The following ZCCHC24 variants were observed in gnomAD, a reference collection of about 807,000 sequenced individuals.
The protein encoded by ZCCHC24 is zinc finger CCHC-type containing 24, also known as zinc finger CCHC domain-containing protein 24.
Under a neutral mutation model 26.2 loss-of-function variants are expected in ZCCHC24, and 10 were observed. The observed-to-expected ratio is 0.38, with a 90% confidence interval of 0.24 to 0.65. The LOEUF (loss-of-function observed/expected upper bound fraction) is 0.65, where lower values mean the gene tolerates loss of function less well. Among genes scored for constraint, ZCCHC24 ranks in the 30% least tolerant of loss-of-function variants. ZCCHC24 has a pLI of 0.54. For synonymous variants in ZCCHC24, 144 were observed against 147.1 expected, an observed-to-expected ratio of 0.98 and a Z score of 0.15; for missense variants, 243 against 329.1, an observed-to-expected ratio of 0.74 and a Z score of 2.03.
At chr10:79,394,172 A>G in intron 3 of ZCCHC24, 104 bp downstream of exon 3, 1 of 1,461,048 alleles carries the variant, frequency 6.8e-7, no homozygotes, top group Non-Finnish European at 9.2e-7. Flanking sequence ...GAAAGGGTCA[A>G]CTTAGAGAGA....
At position 79,383,372 on chromosome 10, in the gene ZCCHC24, T is replaced by G. The variant is rs1856347760; in HGVS notation, c.*2973A>C. ...ATTCTATGTAGACAATATTTCCTTCTGAATGTAGTTCAGTTGCATATTTTT... is the reference window on the plus strand; with the variant it reads ...ATTCTATGTAGACAATATTTCCTTCGGAATGTAGTTCAGTTGCATATTTTT... On this transcript the variant is annotated 3_prime_UTR_variant, in exon 4 of 4. Coordinates refer to ENST00000372336, the MANE Select transcript of ZCCHC24 (RefSeq NM_153367.4). The G allele has an allele frequency of 6.6e-6, 1 of 152,670 alleles. No individual in the cohort carries two copies. The allele number at this position is 152,670 out of a possible 1,614,324, so 9.5% of individuals were successfully genotyped here.
intron 2 of ZCCHC24, among the ~76,000 whole-genome samples, chr10:79,429,954 G>A (rs1159161472): frequency 6.6e-6 from 1 of 152,176 alleles, no homozygotes; most frequent in African/African-American, 2.4e-5. Context: ...GCACAGAGAT[G>A]AATCCAGCCC....
intron 1 of ZCCHC24, among the ~76,000 whole-genome samples, chr10:79,441,645 G>T (rs768049758): frequency 1.3e-5 from 2 of 152,076 alleles, no homozygotes; most frequent in Non-Finnish European, 2.9e-5. Context: ...GAGTTCTCAG[G>T]GCCTTTCCTG....
At chr10:79,401,371 A>G (rs551595395) in intron 2 of ZCCHC24, among the ~76,000 whole-genome samples, 2 of 152,340 alleles carry the variant, frequency 1.3e-5, no homozygotes, top group South Asian at 2.1e-4. Context: ...CCCGACAACC[A>G]TCCATGAGCT....
intron 2 of ZCCHC24, among the ~76,000 whole-genome samples, chr10:79,408,016 G>C (rs773876449): frequency 6.6e-6 from 1 of 152,228 alleles, no homozygotes; most frequent in African/African-American, 2.4e-5. Context: ...AGGCCGGGCT[G>C]CTCAGGGGCT....
At chr10:79,431,447 A>G (rs571318271) in intron 2 of ZCCHC24, among the ~76,000 whole-genome samples, 15 of 152,218 alleles carry the variant, frequency 9.9e-5, no homozygotes, top group Admixed American at 9.2e-4. Context: ...AGAGTCTGGG[A>G]TGGGGGCACA....
At chr10:79,426,149 C>T (rs190120359) in intron 2 of ZCCHC24, among the ~76,000 whole-genome samples, 1 of 152,320 alleles carries the variant, frequency 6.6e-6, no homozygotes, top group Admixed American at 6.5e-5. Flanking sequence ...CTATCCTACT[C>T]TTAAGGTGAG....
intron 2 of ZCCHC24, among the ~76,000 whole-genome samples, chr10:79,399,889 T>G (rs1387872628): frequency 6.6e-6 from 1 of 152,186 alleles, no homozygotes; most frequent in Non-Finnish European, 1.5e-5. Context: ...TCTCTTGAGG[T>G]TGGCTGGGAG....
intron 2 of ZCCHC24, among the ~76,000 whole-genome samples, chr10:79,429,938 T>C (rs3997795): frequency 0.16 from 25,042 of 151,978 alleles, 2,131 homozygotes; most frequent in Middle Eastern, 0.24. Flanking sequence ...GGTCAGATGG[T>C]GAGGAGCACA....
At chr10:79,422,519 C>T (rs952498177) in intron 2 of ZCCHC24, among the ~76,000 whole-genome samples, 6 of 152,196 alleles carry the variant, frequency 3.9e-5, no homozygotes, top group Non-Finnish European at 7.3e-5. Flanking sequence ...TGTCTCCTGC[C>T]CTTTCCCCAG....
At chr10:79,442,841 C>T (rs573891830) in intron 1 of ZCCHC24, among the ~76,000 whole-genome samples, 27 of 152,248 alleles carry the variant, frequency 1.8e-4, no homozygotes, top group African/African-American at 6.0e-4. Flanking sequence ...TCCTCAGGAA[C>T]ACAGCTGAGG....
rs922759899 is a variant in ZCCHC24 at position 79,384,718 on chromosome 10, T to G, written c.*1627A>C. On this transcript the variant is annotated 3_prime_UTR_variant, in exon 4 of 4. Coordinates refer to ENST00000372336, the MANE Select transcript of ZCCHC24 (RefSeq NM_153367.4). ...ACACTTCACTGTAACTCCTCAGTTG[T>G]ACAAAGCATTTTCATTTGAATACAA... 1 of 152,656 alleles carries G rather than the reference T, an allele frequency of 6.6e-6. No individual in the cohort carries two copies. Among genetic ancestry groups the G allele is most frequent in the Non-Finnish European group, 1.5e-5 (1 of 68,036 alleles). 9.5% of individuals were successfully genotyped at this position (152,656 alleles called of 1,614,324 possible).
At chr10:79,438,072 C>A (rs970820582) in intron 1 of ZCCHC24, among the ~76,000 whole-genome samples, 1 of 152,140 alleles carries the variant, frequency 6.6e-6, no homozygotes, top group East Asian at 1.9e-4. Context: ...CTACCAGGCA[C>A]GGCAGAAGCA....
intron 2 of ZCCHC24, among the ~76,000 whole-genome samples, chr10:79,411,662 G>A (rs1856794265): frequency 6.6e-6 from 1 of 152,186 alleles, no homozygotes; most frequent in Admixed American, 6.5e-5. Context: ...AGGAGGCCAA[G>A]GCCAGGGGAC....
chr10:79,417,049 G>A (rs1175782619), intron 2 of ZCCHC24, among the ~76,000 whole-genome samples: 1 of 152,224 alleles, frequency 6.6e-6, no homozygotes, highest in East Asian at 1.9e-4. Flanking sequence ...CTCACTATGT[G>A]CCAGGTGCTG....
Position 79,445,412 on chromosome 10 carries a change from C to T in ZCCHC24, c.29G>A (p.Ser10Asn). The change falls in exon 1 of 4, where the codon AGC becomes AAC. Residue 10 changes from serine (S) to asparagine (N), a missense_variant. Physicochemically the swap from Ser to Asn is conservative, Grantham distance 46. Transcript: ENST00000372336. The stretch of plus-strand genomic sequence containing the variant: ...GGCGGGCTGGTACACCGAGGCGGCG[C>T]TCGTGTCGATGGCCGACAGCAGGCT... MSLLSAIDT[S>N]AASVYQPAQL... The T allele has an allele frequency of 1.3e-6, 2 of 1,491,300 alleles. No homozygotes were observed. The highest frequency in any genetic ancestry group is 8.9e-7 in the Non-Finnish European group (1 of 1,117,806). 92.4% of individuals were successfully genotyped at this position (1,491,300 alleles called of 1,614,324 possible).
At chr10:79,427,522 T>C (rs562671226) in intron 2 of ZCCHC24, among the ~76,000 whole-genome samples, 1 of 151,126 alleles carries the variant, frequency 6.6e-6, no homozygotes, top group Non-Finnish European at 1.5e-5. Flanking sequence ...AGGTTAGAAA[T>C]CACTAAAAGA....
chr10:79,395,810 CCA>C (rs140893756), intron 2 of ZCCHC24, among the ~76,000 whole-genome samples: 4 of 152,132 alleles, frequency 2.6e-5, no homozygotes, highest in Non-Finnish European at 5.9e-5. Context: ...TAGCTATCTC[CCA>C]CACAGTGTTA....
chr10:79,406,582 TCC>T (rs1856717183), intron 2 of ZCCHC24, among the ~76,000 whole-genome samples: 1 of 152,120 alleles, frequency 6.6e-6, no homozygotes, highest in Non-Finnish European at 1.5e-5. Context: ...AATGGTCACT[TCC>T]CCTGCCTGGG....
Sources: gnomAD v4.1 joint callset for allele counts (sites outside exome capture counted in the v4.1 genomes callset) on GRCh38, gnomAD v4.1.1 for gene constraint, MANE v1.5 for transcripts, NCBI Gene and HGNC (gene_info 2026-07-23, HGNC 2026-07-21) for gene names.